DOK6: variants seen among roughly 807,000 people sequenced by gnomAD.
DOK6 encodes docking protein 6.
Under a neutral mutation model 44.0 loss-of-function variants are expected in DOK6, and 22 were observed. The ratio of observed to expected loss-of-function variants is 0.50; its 90% CI spans 0.36 to 0.71. The LOEUF (loss-of-function observed/expected upper bound fraction) is 0.71. DOK6 is among the 30% of genes least tolerant of loss of function. The pLI is 0.00. For synonymous variants in DOK6, 166 were observed against 145.5 expected (o/e 1.14, Z -1.01); for missense variants, 340 against 416.4 (o/e 0.82, Z 1.60).
At chr18:69,700,216 CATAT>C (rs61078235) in intron 5 of DOK6, among the ~76,000 whole-genome samples, 21,500 of 124,818 alleles carry the variant, frequency 0.17, 2,074 homozygotes, top group Middle Eastern at 0.22. Flanking sequence ...CATATATATA[CATAT>C]ATATATATAT....
intron 3 of DOK6, among the ~76,000 whole-genome samples, chr18:69,656,146 AT>A (rs1328859579): frequency 1.1e-4 from 16 of 152,226 alleles, no homozygotes; most frequent in Admixed American, 1.3e-4. Flanking sequence ...GACAGAATGA[AT>A]AGATGACTCA....
At chr18:69,578,128 T>A (rs1395421544) in intron 2 of DOK6, among the ~76,000 whole-genome samples, 1 of 152,156 alleles carries the variant, frequency 6.6e-6, no homozygotes, top group East Asian at 1.9e-4. Context: ...GATCTGGGAT[T>A]GACTTAGAGT....
At chr18:69,720,937 C>T (rs1015812846) in intron 5 of DOK6, among the ~76,000 whole-genome samples, 24 of 152,034 alleles carry the variant, frequency 1.6e-4, no homozygotes, top group Non-Finnish European at 3.2e-4. Context: ...TTTTTACTTT[C>T]CTACTAAAAT....
At chr18:69,658,090 T>C (rs1009025914) in intron 3 of DOK6, among the ~76,000 whole-genome samples, 4 of 152,142 alleles carry the variant, frequency 2.6e-5, no homozygotes, top group African/African-American at 9.7e-5. Context: ...GAGCTGGGAC[T>C]AGAGGCACCA....
At chr18:69,486,447 C>T (rs1483414510) in intron 1 of DOK6, among the ~76,000 whole-genome samples, 1 of 152,088 alleles carries the variant, frequency 6.6e-6, no homozygotes, top group Non-Finnish European at 1.5e-5. Context: ...TTTCCTATTT[C>T]TCCTGTGTGA....
chr18:69,671,225 G>T (rs1474210590), intron 3 of DOK6, among the ~76,000 whole-genome samples: 1 of 152,182 alleles, frequency 6.6e-6, no homozygotes, highest in Non-Finnish European at 1.5e-5. Flanking sequence ...ATAGGTAGGG[G>T]CAATTTTCTC....
chr18:69,521,446 T>TA (rs74175371), intron 1 of DOK6, among the ~76,000 whole-genome samples: 9,405 of 146,700 alleles, frequency 0.064, 500 homozygotes, highest in African/African-American at 0.15. Context: ...TACAGTCATT[T>TA]AAAAAAAAAA....
chr18:69,769,829 T>C (rs1979834926), intron 7 of DOK6, among the ~76,000 whole-genome samples: 1 of 152,086 alleles, frequency 6.6e-6, no homozygotes. Context: ...GCCAGAGATC[T>C]CACCCCAGTT....
chr18:69,507,326 C>T (rs1014104042), intron 1 of DOK6, among the ~76,000 whole-genome samples: 2 of 151,972 alleles, frequency 1.3e-5, no homozygotes, highest in Non-Finnish European at 1.5e-5. Flanking sequence ...CGTGCCCAGC[C>T]GGTAATTATA....
intron 3 of DOK6, among the ~76,000 whole-genome samples, chr18:69,653,328 A>AGAT (rs201704459): frequency 1.3e-5 from 2 of 150,814 alleles, no homozygotes; most frequent in African/African-American, 2.4e-5. Flanking sequence ...AAAAAGAAGA[A>AGAT]GATTTTGGCT....
At chr18:69,764,859 A>G (rs1294888080) in intron 7 of DOK6, among the ~76,000 whole-genome samples, 2 of 152,172 alleles carry the variant, frequency 1.3e-5, no homozygotes, top group African/African-American at 4.8e-5. Flanking sequence ...TTCTGCTTTC[A>G]GTAACACTGA....
At chr18:69,727,609 C>A (rs1978316628) in intron 5 of DOK6, among the ~76,000 whole-genome samples, 1 of 152,154 alleles carries the variant, frequency 6.6e-6, no homozygotes, top group African/African-American at 2.4e-5. Flanking sequence ...GACTGTAGAT[C>A]TGGCCTGATG....
At chr18:69,839,517 C>T (rs1982151526) in intron 7 of DOK6, among the ~76,000 whole-genome samples, 1 of 152,198 alleles carries the variant, frequency 6.6e-6, no homozygotes, top group Non-Finnish European at 1.5e-5. Flanking sequence ...CTCCTCTGCC[C>T]TGCTTCATTT....
intron 5 of DOK6, among the ~76,000 whole-genome samples, chr18:69,701,201 G>A (rs1986511977): frequency 6.6e-6 from 1 of 152,140 alleles, no homozygotes; most frequent in African/African-American, 2.4e-5. Context: ...AAGTCTCAAG[G>A]AGCACTCACC....
intron 1 of DOK6, among the ~76,000 whole-genome samples, chr18:69,547,728 C>T (rs1032460478): frequency 6.6e-6 from 1 of 150,938 alleles, no homozygotes; most frequent in African/African-American, 2.4e-5. Flanking sequence ...TTCTTAGCCT[C>T]TGGTAACCAT....
chr18:69,787,046 T>C (rs1382721933), intron 7 of DOK6, among the ~76,000 whole-genome samples: 2 of 152,080 alleles, frequency 1.3e-5, no homozygotes, highest in Non-Finnish European at 2.9e-5. Context: ...TGAAAACCCA[T>C]CTCTATCAAA....
chr18:69,514,655 C>G (rs751528388), intron 1 of DOK6, among the ~76,000 whole-genome samples: 1 of 151,498 alleles, frequency 6.6e-6, no homozygotes, highest in Non-Finnish European at 1.5e-5. Context: ...TGTCATTTAA[C>G]CAGCAAGCAT....
intron 5 of DOK6, among the ~76,000 whole-genome samples, chr18:69,707,005 G>T (rs549801241): frequency 6.0e-4 from 92 of 152,140 alleles, no homozygotes; most frequent in Non-Finnish European, 6.8e-4. Flanking sequence ...ACGTGTGCAT[G>T]TGTCTTTATA....
chr18:69,797,128 C>G (rs561722229), intron 7 of DOK6, among the ~76,000 whole-genome samples: 8 of 152,094 alleles, frequency 5.3e-5, no homozygotes, highest in Non-Finnish European at 1.2e-4. Flanking sequence ...GAAAGCAATA[C>G]TTTACACCTG....
Sources: allele counts gnomAD v4.1 joint callset (sites outside exome capture counted in the v4.1 genomes callset), GRCh38; gene constraint gnomAD v4.1.1; transcripts MANE v1.5; gene names NCBI Gene and HGNC (gene_info 2026-07-23, HGNC 2026-07-21).